Variants in PLPPR1 observed in about 807,000 individuals in gnomAD.
The protein encoded by PLPPR1 is phospholipid phosphatase related 1, also known as phospholipid phosphatase-related protein type 1.
In PLPPR1, 10 loss-of-function variants were observed where a neutral mutation model predicts 33.1. The ratio of observed to expected loss-of-function variants is 0.30; its 90% confidence interval spans 0.19 to 0.51. The LOEUF is 0.51. Among genes scored for constraint, PLPPR1 ranks in the 20% least tolerant of loss-of-function variants. PLPPR1 has a pLI of 0.97. For missense variants in PLPPR1, 304 were observed against 408.1 expected (o/e 0.74, Z 2.20); for synonymous variants, 151 against 151.0 (o/e 1.00, Z 0.00).
chr9:101,203,876 C>G (rs1210257940), intron 2 of PLPPR1, among the ~76,000 whole-genome samples: 1 of 151,702 alleles, frequency 6.6e-6, no homozygotes, highest in Non-Finnish European at 1.5e-5. Context: ...TTCTCTACCA[C>G]TTGGAAATGA....
chr9:101,287,159 G>A (rs111525355), intron 4 of PLPPR1, among the ~76,000 whole-genome samples: 4 of 152,322 alleles, frequency 2.6e-5, no homozygotes, highest in South Asian at 2.1e-4. Flanking sequence ...AAATAGTGCA[G>A]TGGGAAACCT....
intron 1 of PLPPR1, among the ~76,000 whole-genome samples, chr9:101,107,902 A>G (rs994231921): frequency 7.9e-5 from 12 of 150,982 alleles, no homozygotes; most frequent in Admixed American, 7.9e-4. Context: ...GGTGGGAGTG[A>G]CCCGATTTTC....
intron 4 of PLPPR1, among the ~76,000 whole-genome samples, chr9:101,305,829 T>C (rs1477084839): frequency 1.3e-5 from 2 of 152,176 alleles, no homozygotes; most frequent in Non-Finnish European, 2.9e-5. Flanking sequence ...ATAGCAGGAA[T>C]AGGGTCACAG....
chr9:101,145,335 G>T (rs60390009), intron 1 of PLPPR1, among the ~76,000 whole-genome samples: 26,517 of 152,154 alleles, frequency 0.17, 2,543 homozygotes, highest in Non-Finnish European at 0.22. Flanking sequence ...GATTTAGCCA[G>T]TTCATAATGT....
Position 101,324,073 on chromosome 9 carries a change from A to G in PLPPR1, c.*16A>G, listed in dbSNP as rs1265604851. On this transcript the variant is annotated 3_prime_UTR_variant, in exon 8 of 8. Coordinates refer to ENST00000374874, the MANE Select transcript of PLPPR1 (RefSeq NM_207299.2). ...AGTTACCTGAGACGACTGATGTGTC[A>G]CAAGCTGTTTTTTAAAATCATCTTC... The G allele has an allele frequency of 6.2e-7, 1 of 1,606,182 alleles. No individual in the cohort carries two copies. The highest frequency in any genetic ancestry group is 8.5e-7 in the Non-Finnish European group (1 of 1,173,432).
chr9:101,035,133 C>T (rs1003315487), intron 1 of PLPPR1, among the ~76,000 whole-genome samples: 3 of 152,126 alleles, frequency 2.0e-5, no homozygotes, highest in African/African-American at 7.2e-5. Flanking sequence ...ATTACAGCAC[C>T]TCTTTGGTAC....
Position 101,144,225 on chromosome 9 carries a change from C to G in PLPPR1, c.-45-41225C>G, listed in dbSNP as rs189154460. Among the ~76,000 whole-genome samples the G allele has an allele frequency of 6.7e-3, 1,012 of 151,898 alleles. 4 individuals are homozygous for G. The highest frequency in any genetic ancestry group is 0.012 in the South Asian group (58 of 4,796). ...GGTGGGAATTGAACAAAGAGAACAC[C>G]TGGATACAGGGTGGGGAACATCACA... On this transcript the variant is annotated intron_variant, in intron 1 of 7. Coordinates refer to ENST00000374874, the MANE Select transcript of PLPPR1 (RefSeq NM_207299.2).
intron 1 of PLPPR1, among the ~76,000 whole-genome samples, chr9:101,050,094 C>T (rs1830200802): frequency 1.5e-5 from 2 of 136,944 alleles, no homozygotes; most frequent in African/African-American, 5.6e-5. Context: ...CACTGCACTC[C>T]AGCCTGCAAC....
At chr9:101,261,986 T>TA (rs910602659) in intron 2 of PLPPR1, among the ~76,000 whole-genome samples, 122 of 146,090 alleles carry the variant, frequency 8.4e-4, no homozygotes, top group Middle Eastern at 3.5e-3. Context: ...ACTTAAAAGT[T>TA]AAAAAAAAAA....
At chr9:101,158,706 G>A (rs1044200636) in intron 1 of PLPPR1, among the ~76,000 whole-genome samples, 3 of 152,224 alleles carry the variant, frequency 2.0e-5, no homozygotes, top group Non-Finnish European at 4.4e-5. Flanking sequence ...CGTTGGTTGA[G>A]GGTTGCTTCC....
chr9:101,251,396 C>T (rs1245404902), intron 2 of PLPPR1, among the ~76,000 whole-genome samples: 1 of 152,054 alleles, frequency 6.6e-6, no homozygotes, highest in Non-Finnish European at 1.5e-5. Context: ...AATAGCACAG[C>T]AGTGTTAGAA....
At chr9:101,242,518 A>G (rs921730650) in intron 2 of PLPPR1, among the ~76,000 whole-genome samples, 4 of 151,932 alleles carry the variant, frequency 2.6e-5, no homozygotes, top group South Asian at 2.1e-4. Context: ...CATTTCTTCA[A>G]TCATTGCTTC....
chr9:101,218,275 G>C (rs1400231391), intron 2 of PLPPR1, among the ~76,000 whole-genome samples: 2 of 152,104 alleles, frequency 1.3e-5, no homozygotes, highest in African/African-American at 4.8e-5. Flanking sequence ...GAAAGAATAA[G>C]CAATAAAGTC....
At chr9:101,184,253 G>A (rs919244332) in intron 1 of PLPPR1, among the ~76,000 whole-genome samples, 2 of 151,724 alleles carry the variant, frequency 1.3e-5, no homozygotes, top group Non-Finnish European at 2.9e-5. Flanking sequence ...TGGTTGGTAT[G>A]GATTTATAAA....
chr9:101,188,283 G>A (rs1261323051), intron 2 of PLPPR1, among the ~76,000 whole-genome samples: 1 of 152,048 alleles, frequency 6.6e-6, no homozygotes, highest in Admixed American at 6.6e-5. Context: ...AGAATTGCTA[G>A]GGGATAATTA....
At chr9:101,094,726 A>C (rs753312031) in intron 1 of PLPPR1, among the ~76,000 whole-genome samples, 1 of 152,232 alleles carries the variant, frequency 6.6e-6, no homozygotes, top group Non-Finnish European at 1.5e-5. Context: ...GAATGAATGC[A>C]TACAGCCAGG....
chr9:101,041,132 G>A (rs533851849), intron 1 of PLPPR1, among the ~76,000 whole-genome samples: 1 of 152,268 alleles, frequency 6.6e-6, no homozygotes, highest in East Asian at 1.9e-4. Context: ...GTCTCAACCT[G>A]GGTTTCGAGT....
At chr9:101,236,683 C>T (rs1016008347) in intron 2 of PLPPR1, among the ~76,000 whole-genome samples, 5 of 151,422 alleles carry the variant, frequency 3.3e-5, no homozygotes, top group African/African-American at 9.7e-5. Flanking sequence ...ATGTATACAA[C>T]GTGTAATGAT....
intron 1 of PLPPR1, among the ~76,000 whole-genome samples, chr9:101,100,514 C>T (rs1359963714): frequency 1.3e-5 from 2 of 152,062 alleles, no homozygotes; most frequent in African/African-American, 4.8e-5. Context: ...CTTCTCTCAA[C>T]TCACCTGCTT....
Sources: allele counts gnomAD v4.1 joint callset (sites outside exome capture counted in the v4.1 genomes callset), GRCh38; gene constraint gnomAD v4.1.1; transcripts MANE v1.5; gene names NCBI Gene and HGNC (gene_info 2026-07-23, HGNC 2026-07-21).